Variants in ATRNL1 observed in about 807,000 individuals in gnomAD.
The protein encoded by ATRNL1 is attractin like 1.
Under a neutral mutation model 182.7 loss-of-function variants are expected in ATRNL1, and 95 were observed. The ratio of observed to expected loss-of-function variants is 0.52; its 90% CI spans 0.44 to 0.62. The LOEUF is 0.62. Ranked by LOEUF, ATRNL1 falls within the 20% of genes least tolerant of loss-of-function variation. The pLI is 0.00. For missense variants in ATRNL1, 1,471 were observed against 1,679.5 expected, an observed-to-expected ratio of 0.88 and a Z score of 2.17; for synonymous variants, 576 against 568.3, an observed-to-expected ratio of 1.01 and a Z score of -0.19.
intron 21 of ATRNL1, among the ~76,000 whole-genome samples, chr10:115,454,512 T>C (rs1168914923): frequency 2.0e-5 from 3 of 152,136 alleles, no homozygotes; most frequent in African/African-American, 7.2e-5. Context: ...ATTTTAACCA[T>C]ATTAATTTTT....
chr10:115,224,906 G>T (rs572480732), intron 9 of ATRNL1, among the ~76,000 whole-genome samples: 8 of 152,140 alleles, frequency 5.3e-5, no homozygotes, highest in African/African-American at 1.9e-4. Flanking sequence ...AATTCTCCAG[G>T]CCGTGATCAC....
At chr10:115,601,003 C>T (rs1299550076) in intron 26 of ATRNL1, among the ~76,000 whole-genome samples, 2 of 150,828 alleles carry the variant, frequency 1.3e-5, no homozygotes, top group East Asian at 1.9e-4. Context: ...TTATCCTTTC[C>T]GCATTGCATT....
At chr10:115,154,807 T>C (rs946047392) in intron 5 of ATRNL1, among the ~76,000 whole-genome samples, 2 of 152,138 alleles carry the variant, frequency 1.3e-5, no homozygotes, top group Non-Finnish European at 2.9e-5. Context: ...TGTTATTTTA[T>C]TGGATCAAAT....
At chr10:115,335,778 A>G (rs376138940) in intron 19 of ATRNL1, among the ~76,000 whole-genome samples, 14 of 152,296 alleles carry the variant, frequency 9.2e-5, no homozygotes, top group Middle Eastern at 3.4e-3. Context: ...CTTCATTCAC[A>G]TGGATTCAAA....
chr10:115,760,481 T>C (rs2134142934), intron 27 of ATRNL1, among the ~76,000 whole-genome samples: 1 of 152,260 alleles, frequency 6.6e-6, no homozygotes, highest in Non-Finnish European at 1.5e-5. Context: ...AAAAATTGAA[T>C]AAAACAATTT....
intron 18 of ATRNL1, among the ~76,000 whole-genome samples, chr10:115,320,732 T>C (rs1424803503): frequency 6.6e-6 from 1 of 152,198 alleles, no homozygotes; most frequent in Non-Finnish European, 1.5e-5. Flanking sequence ...CTGTTTTTTT[T>C]TCAGCTCCAT....
chr10:115,869,846 C>T (rs1565449648), intron 28 of ATRNL1, among the ~76,000 whole-genome samples: 1 of 151,930 alleles, frequency 6.6e-6, no homozygotes, highest in Non-Finnish European at 1.5e-5. Context: ...AGTATTTCTC[C>T]ATGTCATTAA....
chr10:115,371,655 A>C (rs1165410765), intron 19 of ATRNL1, among the ~76,000 whole-genome samples: 2 of 152,168 alleles, frequency 1.3e-5, no homozygotes, highest in Non-Finnish European at 2.9e-5. Context: ...TAACTAACTT[A>C]CTTTTGATTT....
intron 17 of ATRNL1, among the ~76,000 whole-genome samples, chr10:115,306,978 G>T (rs564197675): frequency 6.6e-6 from 1 of 152,242 alleles, no homozygotes; most frequent in South Asian, 2.1e-4. Flanking sequence ...CCGCTGGTGG[G>T]ATTGTCAGCT....
intron 28 of ATRNL1, among the ~76,000 whole-genome samples, chr10:115,852,685 T>C (rs1555100834): frequency 1.3e-5 from 2 of 152,150 alleles, no homozygotes; most frequent in African/African-American, 2.4e-5. Flanking sequence ...TGTGTCCCTG[T>C]GGATAAAGAT....
At chr10:115,497,650 G>A (rs1374790841) in intron 24 of ATRNL1, among the ~76,000 whole-genome samples, 3 of 142,350 alleles carry the variant, frequency 2.1e-5, no homozygotes, top group African/African-American at 7.9e-5. Context: ...TGTAAGTTAA[G>A]TTTACTCTTT....
intron 27 of ATRNL1, among the ~76,000 whole-genome samples, chr10:115,775,314 C>T (rs1386007337): frequency 2.6e-5 from 4 of 152,142 alleles, no homozygotes; most frequent in African/African-American, 9.7e-5. Flanking sequence ...ATTCTTTCAT[C>T]TTACTTATAG....
At chr10:115,666,446 C>G (rs550230952) in intron 26 of ATRNL1, among the ~76,000 whole-genome samples, 1 of 152,256 alleles carries the variant, frequency 6.6e-6, no homozygotes, top group South Asian at 2.1e-4. Flanking sequence ...CTTTGGAAAG[C>G]TATATTTCTG....
rs117103107 is a variant in ATRNL1, at chr10:115,298,648, G to A, written c.2416-1386G>A. On this transcript the variant is annotated intron_variant, in intron 15 of 28. Coordinates refer to ENST00000355044, the MANE Select transcript of ATRNL1 (RefSeq NM_207303.4). ...TAAAATATTTTTCAGAATAATATAT[G>A]AAATATATGCTGGTCACAATGTGAA... Among the ~76,000 whole-genome samples, 1,032 of 152,168 alleles carry A rather than the reference G, an allele frequency of 6.8e-3. 4 individuals carry two copies. The highest frequency in any genetic ancestry group is 7.4e-3 in the Non-Finnish European group (505 of 67,940).
chr10:115,170,037 T>TA (rs1200781115), intron 7 of ATRNL1, among the ~76,000 whole-genome samples: 1 of 152,128 alleles, frequency 6.6e-6, no homozygotes, highest in Non-Finnish European at 1.5e-5. Flanking sequence ...AAGTGCTTTT[T>TA]AAAAAAATTT....
At chr10:115,749,969 T>G (rs1368284071) in intron 27 of ATRNL1, among the ~76,000 whole-genome samples, 1 of 79,090 alleles carries the variant, frequency 1.3e-5, no homozygotes, top group Non-Finnish European at 2.7e-5. Context: ...ATTTGTACAT[T>G]TAGTTGGAAA....
intron 15 of ATRNL1, 149 bp downstream of exon 15, chr10:115,286,546 T>TACAAAATAAGTC: frequency 1.8e-6 from 1 of 546,530 alleles, no homozygotes; most frequent in Non-Finnish European, 3.2e-6. Context: ...AGAAGACTTA[T>TACAAAATAAGTC]TTTGTATAAG....
At chr10:115,589,509 A>T (rs1855777521) in intron 26 of ATRNL1, among the ~76,000 whole-genome samples, 1 of 152,158 alleles carries the variant, frequency 6.6e-6, no homozygotes, top group Non-Finnish European at 1.5e-5. Flanking sequence ...ATTGTATTAG[A>T]GTTCCAGACC....
rs1173437759 is a variant in ATRNL1 at position 115,168,912 on chromosome 10, AT to A, written c.1093-2115del. ...TCTCAGGTCATAAAGACTTAACCCA[AT>A]TTTTTTTTTCTTTTAAGAGTTTTAT... On this transcript the variant is annotated intron_variant, in intron 7 of 28. Coordinates refer to ENST00000355044, the MANE Select transcript of ATRNL1 (RefSeq NM_207303.4). Among the ~76,000 whole-genome samples, 517 of 143,766 alleles carry A rather than the reference AT, an allele frequency of 3.6e-3. 3 individuals carry two copies. The highest frequency in any genetic ancestry group is 0.012 in the African/African-American group (478 of 38,978). The allele number at this position is 143,766 out of a possible 152,430, so 94.3% of individuals were successfully genotyped here.
Sources: allele counts gnomAD v4.1 joint callset (sites outside exome capture counted in the v4.1 genomes callset), GRCh38; gene constraint gnomAD v4.1.1; transcripts MANE v1.5; gene names NCBI Gene and HGNC (gene_info 2026-07-23, HGNC 2026-07-21).